SUPT3H: variants seen among roughly 807,000 people sequenced by gnomAD.
SUPT3H encodes the protein SPT3 homolog, SAGA and STAGA complex component.
Under a neutral mutation model 44.3 loss-of-function variants are expected in SUPT3H, and 44 were observed. The ratio of observed to expected loss-of-function variants is 0.99; its 90% CI spans 0.78 to 1.28. The LOEUF is 1.28. Among genes scored for constraint, SUPT3H ranks in the 50% most tolerant of loss-of-function variants. SUPT3H has a pLI of 0.00. For missense variants in SUPT3H, 380 were observed against 387.1 expected, an observed-to-expected ratio of 0.98 and a Z score of 0.15; for synonymous variants, 124 against 125.6, an observed-to-expected ratio of 0.99 and a Z score of 0.09.
intron 3 of SUPT3H, among the ~76,000 whole-genome samples, chr6:45,081,253 C>A (rs1795772609): frequency 6.6e-6 from 1 of 151,992 alleles, no homozygotes; most frequent in Non-Finnish European, 1.5e-5. Context: ...ATCCTTAACT[C>A]ACTTCACTCC....
chr6:45,367,561 G>A (rs1046783600), intron 1 of SUPT3H, among the ~76,000 whole-genome samples: 4 of 152,104 alleles, frequency 2.6e-5, no homozygotes, highest in Non-Finnish European at 5.9e-5. Context: ...AAAGGAGCCT[G>A]GATTTCTCAA....
rs1319054621 is a variant in SUPT3H, at chr6:45,330,485, C to A, written c.101+34716G>T. Among the ~76,000 whole-genome samples the A allele has an allele frequency of 1.3e-5, 2 of 151,854 alleles. 1 individual carries two copies. Among genetic ancestry groups the A allele is most frequent in the South Asian group, 4.1e-4 (2 of 4,832 alleles). The stretch of plus-strand genomic sequence containing the variant: ...TCTTTCACGTTATCACTCTGTTTAA[C>A]TATTTATTTTAAACACATTTTAAAA... On this transcript the variant is annotated intron_variant, in intron 2 of 10. Coordinates refer to ENST00000371459, the MANE Select transcript of SUPT3H (RefSeq NM_003599.4).
intron 9 of SUPT3H, among the ~76,000 whole-genome samples, chr6:44,947,785 G>C (rs910832705): frequency 6.6e-6 from 1 of 152,108 alleles, no homozygotes; most frequent in Admixed American, 6.6e-5. Context: ...GCAATAACTA[G>C]ATATCCATAA....
intron 9 of SUPT3H, among the ~76,000 whole-genome samples, chr6:44,945,141 T>C (rs1773136507): frequency 6.6e-6 from 1 of 152,176 alleles, no homozygotes; most frequent in Non-Finnish European, 1.5e-5. Flanking sequence ...GTTACTATTG[T>C]AATTGTCTTG....
chr6:45,293,955 G>A (rs1159440367), intron 2 of SUPT3H, among the ~76,000 whole-genome samples: 2 of 151,982 alleles, frequency 1.3e-5, no homozygotes, highest in Non-Finnish European at 2.9e-5. Context: ...ACAAGATAGA[G>A]AAAGAGGGAA....
At position 44,979,080 on chromosome 6, in the gene SUPT3H, G is replaced by A. The variant is rs1247143507; in HGVS notation, c.505-17252C>T. Among the ~76,000 whole-genome samples, 9 of 152,096 alleles carry A rather than the reference G, an allele frequency of 5.9e-5. No individual in the cohort carries two copies. The South Asian group carries it at 1.9e-3, about 31-fold the overall frequency. The stretch of plus-strand genomic sequence containing the variant: ...ACAATTCTTAAGTAATACTCCTATT[G>A]TACCACACCAGGTATCCCATATAGT... On this transcript the variant is annotated intron_variant, in intron 6 of 10. Transcript: ENST00000371459.
intron 2 of SUPT3H, among the ~76,000 whole-genome samples, chr6:45,142,736 C>CAAAA (rs70993502): frequency 0.018 from 266 of 14,958 alleles, 77 homozygotes; most frequent in African/African-American, 0.031. Flanking sequence ...AACTCCGTCT[C>CAAAA]AAAAAAAAAA....
At chr6:45,110,366 C>T (rs1284242682) in intron 2 of SUPT3H, among the ~76,000 whole-genome samples, 1 of 152,096 alleles carries the variant, frequency 6.6e-6, no homozygotes, top group Non-Finnish European at 1.5e-5. Context: ...CTGAACAAAA[C>T]CATTGGATAC....
At chr6:44,878,759 T>C (rs187027740) in intron 10 of SUPT3H, among the ~76,000 whole-genome samples, 4 of 152,198 alleles carry the variant, frequency 2.6e-5, no homozygotes, top group Admixed American at 2.6e-4. Context: ...AGACAGTGGG[T>C]GCAGCCCACG....
chr6:45,108,171 T>C (rs2153572502), intron 2 of SUPT3H, among the ~76,000 whole-genome samples: 1 of 152,272 alleles, frequency 6.6e-6, no homozygotes, highest in East Asian at 1.9e-4. Flanking sequence ...GGCAAAGCAA[T>C]TAGGTAAGAA....
intron 5 of SUPT3H, among the ~76,000 whole-genome samples, chr6:45,011,987 A>G (rs534515419): frequency 6.6e-5 from 10 of 151,660 alleles, no homozygotes; most frequent in Admixed American, 2.0e-4. Flanking sequence ...CACTTTGAAT[A>G]TATCATCCCA....
intron 2 of SUPT3H, among the ~76,000 whole-genome samples, chr6:45,315,588 C>T (rs1784558147): frequency 6.6e-6 from 1 of 152,174 alleles, no homozygotes; most frequent in African/African-American, 2.4e-5. Flanking sequence ...TACCACCTTA[C>T]TCCTGTAAGA....
chr6:44,895,173 A>C (rs1310832077), intron 10 of SUPT3H, among the ~76,000 whole-genome samples: 1 of 152,064 alleles, frequency 6.6e-6, no homozygotes, highest in African/African-American at 2.4e-5. Context: ...TTCATATTAA[A>C]GTCAGATGTA....
intron 2 of SUPT3H, chr6:45,321,955 A>C (rs1785561478): frequency 2.1e-6 from 2 of 939,572 alleles, no homozygotes; most frequent in South Asian, 3.3e-5. Flanking sequence ...ATACCTAAGA[A>C]ATATTCATTA....
chr6:44,966,200 C>A (rs533911348), intron 6 of SUPT3H, among the ~76,000 whole-genome samples: 17 of 152,272 alleles, frequency 1.1e-4, no homozygotes, highest in Non-Finnish European at 2.5e-4. Context: ...AAAGTATACA[C>A]TGGCAGTCCT....
intron 10 of SUPT3H, among the ~76,000 whole-genome samples, chr6:44,842,311 G>T (rs957025101): frequency 6.6e-6 from 1 of 151,998 alleles, no homozygotes; most frequent in African/African-American, 2.4e-5. Flanking sequence ...GGCTGGGGGT[G>T]GGCAGAGGAA....
intron 2 of SUPT3H, among the ~76,000 whole-genome samples, chr6:45,341,932 C>T (rs936175229): frequency 1.3e-5 from 2 of 151,992 alleles, no homozygotes; most frequent in Non-Finnish European, 2.9e-5. Flanking sequence ...ACAGCCAGAA[C>T]AGTCAACCAA....
chr6:45,000,012 T>C (rs1781802232), intron 6 of SUPT3H, among the ~76,000 whole-genome samples: 1 of 151,992 alleles, frequency 6.6e-6, no homozygotes, highest in African/African-American at 2.4e-5. Context: ...TATATGTATA[T>C]ATGGGCATAG....
At chr6:45,252,604 G>A (rs1772568679) in intron 2 of SUPT3H, among the ~76,000 whole-genome samples, 2 of 151,874 alleles carry the variant, frequency 1.3e-5, no homozygotes, top group South Asian at 2.1e-4. Context: ...AATTTGAAAG[G>A]GTTAAGAGTT....
Sources: allele counts gnomAD v4.1 joint callset (sites outside exome capture counted in the v4.1 genomes callset), GRCh38; gene constraint gnomAD v4.1.1; transcripts MANE v1.5; gene names NCBI Gene and HGNC (gene_info 2026-07-23, HGNC 2026-07-21).